Variants in SCAPER observed in about 807,000 individuals in gnomAD.
The protein encoded by SCAPER is S-phase cyclin A associated protein in the ER, also known as S phase cyclin A-associated protein in the endoplasmic reticulum.
SCAPER carries 98 observed loss-of-function variants against 182.2 expected under a neutral mutation model. The observed-to-expected ratio is 0.54, with a 90% CI of 0.46 to 0.64. SCAPER has a LOEUF of 0.64. Ranked by LOEUF, SCAPER falls within the 30% of genes least tolerant of loss-of-function variation. SCAPER has a pLI of 0.00. For missense variants in SCAPER, 1,432 were observed against 1,690.0 expected, an observed-to-expected ratio of 0.85 and a Z score of 2.68; for synonymous variants, 605 against 564.6, an observed-to-expected ratio of 1.07 and a Z score of -1.01.
chr15:76,857,678 T>C, intron 4 of SCAPER, 131 bp downstream of exon 4: 1 of 634,512 alleles, frequency 1.6e-6, no homozygotes, highest in East Asian at 2.9e-5. Flanking sequence ...ACATTTGTTT[T>C]TAAAAAGTAC....
intron 25 of SCAPER, among the ~76,000 whole-genome samples, chr15:76,470,643 G>C (rs1012747606): frequency 6.6e-6 from 1 of 152,046 alleles, no homozygotes; most frequent in Non-Finnish European, 1.5e-5. Context: ...TTAAACCTTT[G>C]GCTATTACAT....
intron 22 of SCAPER, among the ~76,000 whole-genome samples, chr15:76,609,746 T>C (rs752953410): frequency 2.6e-5 from 4 of 152,228 alleles, no homozygotes; most frequent in South Asian, 4.1e-4. Context: ...AATGGAACTA[T>C]GGTAGTATAT....
chr15:76,472,140 G>C (rs2050230618), intron 24 of SCAPER: 2 of 335,154 alleles, frequency 6.0e-6, no homozygotes, highest in African/African-American at 3.6e-5. Context: ...AGGCAATAGA[G>C]CCAAGGTGAA....
Position 76,348,618 on chromosome 15 carries a change from A to T in SCAPER, c.*15T>A. 1.3e-6 allele frequency: 2 copies of T among 1,493,206 alleles called. No individual in the cohort carries two copies. The highest frequency in any genetic ancestry group is 2.2e-5 in the Admixed American group (1 of 45,300). The allele number at this position is 1,493,206 out of a possible 1,614,324, so 92.5% of individuals were successfully genotyped here. A position where few individuals can be genotyped will look rare whatever the true frequency, so the allele number is the denominator to read the frequency against. ...TATTAACAAGGGTACTCAAATACAG[A>T]ATCAACCAAAACATTTATTTTTTCT... On this transcript the variant is annotated 3_prime_UTR_variant, in exon 32 of 32. Transcript: ENST00000563290.
chr15:76,899,742 G>A lies in SCAPER; in HGVS notation c.-60+5557C>T, dbSNP rs1331255689. 4.6e-5 allele frequency among the ~76,000 whole-genome samples: 7 copies of A among 151,510 alleles called. 1 individual carries two copies. Among genetic ancestry groups the A allele is most frequent in the Admixed American group, 1.3e-4 (2 of 15,210 alleles). ...GAGCGTCTCTGCCTGGCTGCCCATC[G>A]TCTGGGATGTGAGGAGCACCTCTGC... is the stretch of plus-strand genomic sequence containing the variant. On this transcript the variant is annotated intron_variant, in intron 1 of 31. Transcript: ENST00000563290.
At chr15:76,597,170 CAG>C (rs1169000490) in intron 22 of SCAPER, among the ~76,000 whole-genome samples, 1 of 121,774 alleles carries the variant, frequency 8.2e-6, no homozygotes, top group Admixed American at 9.3e-5. Context: ...CAATAATGGA[CAG>C]AGAGTCAAAT....
At chr15:76,709,742 CA>C (rs1340354859) in intron 17 of SCAPER, among the ~76,000 whole-genome samples, 1 of 152,122 alleles carries the variant, frequency 6.6e-6, no homozygotes, top group Non-Finnish European at 1.5e-5. Flanking sequence ...AAAAACATCA[CA>C]AGAAAACTAC....
chr15:76,627,909 G>C (rs1032257498), intron 21 of SCAPER, among the ~76,000 whole-genome samples: 2 of 152,160 alleles, frequency 1.3e-5, no homozygotes, highest in South Asian at 2.1e-4. Flanking sequence ...CCCACCAACA[G>C]TGTAAAAGCA....
intron 25 of SCAPER, among the ~76,000 whole-genome samples, chr15:76,453,423 C>T (rs1476889505): frequency 1.3e-5 from 2 of 152,190 alleles, no homozygotes; most frequent in African/African-American, 4.8e-5. Context: ...TCAGTGACTC[C>T]TTGAACTTTC....
At chr15:76,844,085 T>C (rs2069768525) in intron 4 of SCAPER, among the ~76,000 whole-genome samples, 1 of 152,076 alleles carries the variant, frequency 6.6e-6, no homozygotes, top group Admixed American at 6.6e-5. Context: ...TTAACTTAAG[T>C]GATGAAGCCA....
chr15:76,657,407 A>G (rs2055741079), intron 21 of SCAPER, among the ~76,000 whole-genome samples: 1 of 152,058 alleles, frequency 6.6e-6, no homozygotes, highest in African/African-American at 2.4e-5. Flanking sequence ...TCAGTAATAA[A>G]AAGCCTATGA....
intron 27 of SCAPER, among the ~76,000 whole-genome samples, chr15:76,384,508 A>C (rs2043167647): frequency 6.6e-6 from 1 of 152,226 alleles, no homozygotes; most frequent in Non-Finnish European, 1.5e-5. Flanking sequence ...CTGCACCATT[A>C]TTTAGGAAAA....
intron 4 of SCAPER, among the ~76,000 whole-genome samples, chr15:76,853,891 G>T (rs750371241): frequency 9.9e-5 from 15 of 152,196 alleles, no homozygotes; most frequent in Non-Finnish European, 1.6e-4. Context: ...ATTTGCAGAT[G>T]ACTTGATTCT....
chr15:76,557,675 C>G (rs770812528), intron 23 of SCAPER, among the ~76,000 whole-genome samples: 1 of 152,182 alleles, frequency 6.6e-6, no homozygotes, highest in Admixed American at 6.6e-5. Context: ...GAGCAGATGA[C>G]AGAATCATGC....
intron 8 of SCAPER, among the ~76,000 whole-genome samples, chr15:76,780,537 A>G (rs2064055744): frequency 6.6e-6 from 1 of 152,192 alleles, no homozygotes; most frequent in African/African-American, 2.4e-5. Context: ...TTCTCCCAGC[A>G]TGGCATTTGA....
At chr15:76,485,350 G>A (rs1375417364) in intron 24 of SCAPER, among the ~76,000 whole-genome samples, 4 of 152,074 alleles carry the variant, frequency 2.6e-5, no homozygotes, top group Admixed American at 1.3e-4. Context: ...TCTCTACAAG[G>A]AGAACTACAA....
intron 21 of SCAPER, among the ~76,000 whole-genome samples, chr15:76,652,843 C>T (rs1290472546): frequency 1.3e-5 from 2 of 151,988 alleles, no homozygotes; most frequent in Admixed American, 1.3e-4. Context: ...TCTCACCACT[C>T]CTATCCAACA....
chr15:76,404,519 C>T lies in SCAPER; in HGVS notation c.3467+5G>A. 6.3e-7 allele frequency: 1 copy of T among 1,592,404 alleles called. No individual in the cohort carries two copies. Among genetic ancestry groups the T allele is most frequent in the Non-Finnish European group, 8.6e-7 (1 of 1,165,368 alleles). Reference sequence around the variant, plus strand: ...GTCTAGATTGAGATCAAGTAGATGCCTTACCTTCCAGTGACAGCAAAGCAC... The same window carrying T: ...GTCTAGATTGAGATCAAGTAGATGCTTTACCTTCCAGTGACAGCAAAGCAC... On this transcript the variant is annotated splice_donor_5th_base_variant and intron_variant, in intron 27 of 31. Coordinates refer to ENST00000563290, the MANE Select transcript of SCAPER (RefSeq NM_020843.4).
chr15:76,485,118 T>C (rs1163733466), intron 24 of SCAPER, among the ~76,000 whole-genome samples: 1 of 152,226 alleles, frequency 6.6e-6, no homozygotes, highest in Non-Finnish European at 1.5e-5. Flanking sequence ...CAACTATTTC[T>C]GTTTGCAGAT....
Sources: gnomAD v4.1 joint callset for allele counts (sites outside exome capture counted in the v4.1 genomes callset) on GRCh38, gnomAD v4.1.1 for gene constraint, MANE v1.5 for transcripts, NCBI Gene and HGNC (gene_info 2026-07-23, HGNC 2026-07-21) for gene names.